Variants in OR52N4 observed in about 807,000 individuals in gnomAD.
The protein encoded by OR52N4 is olfactory receptor 52N4.
In OR52N4, 15 loss-of-function variants were observed where a neutral mutation model predicts 15.0. The ratio of observed to expected loss-of-function variants is 1.00; its 90% CI spans 0.67 to 1.54. OR52N4 has a LOEUF of 1.54. Among genes scored for constraint, OR52N4 ranks in the 40% most tolerant of loss-of-function variants. The pLI is 0.00. For synonymous variants in OR52N4, 143 were observed against 143.7 expected (o/e 1.00, Z 0.03); for missense variants, 421 against 394.0 (o/e 1.07, Z -0.58).
At position 5,754,724 on chromosome 11, in the gene OR52N4, A is replaced by C; in HGVS notation, c.-17A>C. The stretch of plus-strand genomic sequence containing the variant: ...CCAGACAAATTTTGAGCTATTTCAT[A>C]ACCTACCAGACTTATCATGCTAACA... On this transcript the variant is annotated 5_prime_UTR_variant, in exon 2 of 2. Coordinates refer to ENST00000641350, the MANE Select transcript of OR52N4 (RefSeq NM_001005175.5). 6.3e-7 allele frequency: 1 copy of C among 1,578,756 alleles called. No individual in the cohort carries two copies. Among genetic ancestry groups the C allele is most frequent in the Non-Finnish European group, 8.6e-7 (1 of 1,163,668 alleles).
At chr11:5,747,309 A>C in the OR52N4 span, among the ~76,000 whole-genome samples, 1 of 151,906 alleles carries the variant, frequency 6.6e-6, no homozygotes, top group Non-Finnish European at 1.5e-5. Flanking sequence ...TATCTAAAAA[A>C]ATAAATAAAA....
the OR52N4 span, among the ~76,000 whole-genome samples, chr11:5,732,682 TA>T: frequency 6.6e-6 from 1 of 152,350 alleles, no homozygotes; most frequent in East Asian, 1.9e-4. Flanking sequence ...CCTCACTTGC[TA>T]AAACATCTAT....
At chr11:5,727,258 T>G in the OR52N4 span, 1 of 153,222 alleles carries the variant, frequency 6.5e-6, no homozygotes, top group East Asian at 1.9e-4. Context: ...CCTCATCTCT[T>G]ATACACCAGC....
chr11:5,736,596 C>T, the OR52N4 span: 14 of 1,613,968 alleles, frequency 8.7e-6, no homozygotes, highest in African/African-American at 1.3e-5. Context: ...CTGGGATTCC[C>T]GGGCATTCAC....
chr11:5,741,519 G>A, the OR52N4 span, among the ~76,000 whole-genome samples: 3 of 152,152 alleles, frequency 2.0e-5, no homozygotes, highest in African/African-American at 7.2e-5. Flanking sequence ...TGCTGAAATC[G>A]ACATATTATA....
At chr11:5,734,263 C>T in the OR52N4 span, 2 of 452,670 alleles carry the variant, frequency 4.4e-6, no homozygotes, top group Non-Finnish European at 8.9e-6. Context: ...CTCATGGTCA[C>T]TTTGGCTAAA....
At chr11:5,734,533 G>C in the OR52N4 span, among the ~76,000 whole-genome samples, 1 of 152,154 alleles carries the variant, frequency 6.6e-6, no homozygotes, top group South Asian at 2.1e-4. Context: ...CGTATTCTAT[G>C]TCATGCTAGA....
the OR52N4 span, among the ~76,000 whole-genome samples, chr11:5,731,387 G>C: frequency 2.6e-5 from 4 of 152,290 alleles, no homozygotes; most frequent in South Asian, 8.3e-4. Context: ...GGGGAGGCAA[G>C]AATTGTGATA....
the OR52N4 span, among the ~76,000 whole-genome samples, chr11:5,731,740 C>CT: frequency 6.6e-6 from 1 of 152,224 alleles, no homozygotes; most frequent in Non-Finnish European, 1.5e-5. Context: ...ATCACCCCTC[C>CT]TTTTTTCAGC....
chr11:5,728,261 TAAG>T, the OR52N4 span, among the ~76,000 whole-genome samples: 1 of 152,172 alleles, frequency 6.6e-6, no homozygotes. Context: ...CCTGAACCTA[TAAG>T]AAATGGCCAC....
chr11:5,729,509 C>T, the OR52N4 span, among the ~76,000 whole-genome samples: 1 of 152,098 alleles, frequency 6.6e-6, no homozygotes, highest in African/African-American at 2.4e-5. Context: ...CCAAATTGAC[C>T]ATTTTTCTAG....
upstream of OR52N4, chr11:5,754,129 A>C (rs571529233): frequency 2.0e-5 from 3 of 152,044 alleles, no homozygotes; most frequent in Admixed American, 1.3e-4. Context: ...ATTATTATTG[A>C]GTATAGACAC....
the OR52N4 span, among the ~76,000 whole-genome samples, chr11:5,735,496 A>T: frequency 2.0e-5 from 3 of 152,090 alleles, no homozygotes; most frequent in Admixed American, 2.0e-4. Context: ...TAGCAGAAAG[A>T]AAGAATTATG....
the OR52N4 span, among the ~76,000 whole-genome samples, chr11:5,734,769 A>G: frequency 4.6e-5 from 7 of 152,120 alleles, no homozygotes; most frequent in African/African-American, 1.7e-4. Context: ...CATCCAGGAT[A>G]AAACTATTGT....
chr11:5,727,301 A>G, the OR52N4 span: 10 of 153,006 alleles, frequency 6.5e-5, no homozygotes, highest in African/African-American at 2.2e-4. Context: ...CGCTTTGGCC[A>G]TCACGTTCCA....
At position 5,755,542 on chromosome 11, in the gene OR52N4, G is replaced by C. The variant is rs753488958; in HGVS notation, c.802G>C (p.Glu268Gln). 1.9e-6 allele frequency: 3 copies of C among 1,613,618 alleles called. No homozygotes were observed. ...CTCCTTCTTTTCCCACCGCTTTGGG[G>C]AACACATAATCCCCCCTTCTTGCCA... Reference protein sequence around the residue: ...FFSFFSHRFGEHIIPPSCHII... With the variant: ...FFSFFSHRFGQHIIPPSCHII... The change falls in exon 2 of 2, where the codon GAA becomes CAA. Residue 268 changes from glutamate (E) to glutamine (Q), a missense_variant. Glu to Gln is a conservative substitution (Grantham distance 29, BLOSUM62 2). Transcript: ENST00000641350.
the OR52N4 span, among the ~76,000 whole-genome samples, chr11:5,748,219 G>A: frequency 6.6e-6 from 1 of 151,750 alleles, no homozygotes; most frequent in Non-Finnish European, 1.5e-5. Context: ...TATAGTTAAT[G>A]CATAGCAATA....
At chr11:5,731,073 G>A in the OR52N4 span, among the ~76,000 whole-genome samples, 1 of 152,116 alleles carries the variant, frequency 6.6e-6, no homozygotes, top group African/African-American at 2.4e-5. Flanking sequence ...CGTGTATACT[G>A]TTCAGTTAAT....
chr11:5,735,736 T>C, the OR52N4 span, among the ~76,000 whole-genome samples: 3 of 152,278 alleles, frequency 2.0e-5, no homozygotes, highest in Non-Finnish European at 1.5e-5. Flanking sequence ...ATTTTAACCA[T>C]GATTTTTGAG....
Sources: allele counts gnomAD v4.1 joint callset (sites outside exome capture counted in the v4.1 genomes callset), GRCh38; gene constraint gnomAD v4.1.1; transcripts MANE v1.5; gene names NCBI Gene and HGNC (gene_info 2026-07-23, HGNC 2026-07-21).